Variants in TAF3 observed in about 807,000 individuals in gnomAD.
TAF3 encodes TATA-box binding protein associated factor 3.
Under a neutral mutation model 80.6 loss-of-function variants are expected in TAF3, and 7 were observed. That is an observed-to-expected ratio of 0.09 (90% CI 0.05 to 0.16). The LOEUF (loss-of-function observed/expected upper bound fraction) is 0.16, where lower values mean the gene tolerates loss of function less well. Among genes scored for constraint, TAF3 ranks in the 10% least tolerant of loss-of-function variants. The pLI is 1.00. For synonymous variants in TAF3, 444 were observed against 446.1 expected, an observed-to-expected ratio of 1.00 and a Z score of 0.06; for missense variants, 921 against 1,140.2, an observed-to-expected ratio of 0.81 and a Z score of 2.77.
At position 7,964,198 on chromosome 10, in the gene TAF3, C is replaced by G; in HGVS notation, c.688C>G (p.Pro230Ala). ...NTQKIPPMLS[P>A]VHVQDSTDLA... ...TCAAAAGATCCCACCAATGCTTTCT[C>G]CAGTCCATGTACAGGACAGTACAGA... Residue 230 changes from proline to alanine, a missense_variant, in exon 3 of 7, where the codon CCA becomes GCA. Transcript: ENST00000344293. The surrounding 1 kb of genome is among the most constrained non-coding windows in gnomAD (Gnocchi z 4.1). The G allele has an allele frequency of 1.2e-6, 2 of 1,614,172 alleles. No homozygotes were observed. The highest frequency in any genetic ancestry group is 1.7e-6 in the Non-Finnish European group (2 of 1,180,034).
At chr10:7,938,406 C>T (rs762319077) in intron 2 of TAF3, among the ~76,000 whole-genome samples, 43 of 151,978 alleles carry the variant, frequency 2.8e-4, no homozygotes, top group Non-Finnish European at 5.6e-4. Context: ...CTAAGGTAGC[C>T]AATGGGAATA....
intron 2 of TAF3, among the ~76,000 whole-genome samples, chr10:7,865,235 A>G (rs940468218): frequency 4.9e-4 from 74 of 152,090 alleles, no homozygotes; most frequent in African/African-American, 1.8e-3. Context: ...TGGGAGGCCG[A>G]GGCGGGCGGA....
chr10:7,964,278 A>G lies in TAF3; in HGVS notation c.768A>G (p.Gln256=), dbSNP rs1163398613. Residue 256 remains glutamine, a synonymous_variant, in exon 3 of 7, where the codon CAA becomes CAG. Coordinates refer to ENST00000344293, the MANE Select transcript of TAF3 (RefSeq NM_031923.4). This position sits in a 1 kb window ranked among gnomAD's most constrained non-coding sequence, Gnocchi z 4.1. ...TGTTGGCTCCAGTTGCAAAATCACA[A>G]ATGCCAACTGCAAAACCATTAGAAA... The part of the protein sequence containing the change: ...PPMLAPVAKS[Q]MPTAKPLETK... The G allele has an allele frequency of 6.2e-7, 1 of 1,614,186 alleles. No homozygotes were observed. The highest frequency in any genetic ancestry group is 2.2e-5 in the East Asian group (1 of 44,886).
intron 2 of TAF3, among the ~76,000 whole-genome samples, chr10:7,837,512 G>A (rs1486221687): frequency 2.6e-5 from 4 of 152,100 alleles, no homozygotes; most frequent in Non-Finnish European, 5.9e-5. Context: ...GCGTGGTGGT[G>A]CGTGCCTGTA....
chr10:7,919,313 T>G (rs1837741366), intron 2 of TAF3, among the ~76,000 whole-genome samples: 1 of 152,056 alleles, frequency 6.6e-6, no homozygotes, highest in South Asian at 2.1e-4. Context: ...CTTAAGCAGT[T>G]TGTGATGGTG....
chr10:7,960,779 A>G (rs1588567013), intron 2 of TAF3, among the ~76,000 whole-genome samples: 1 of 152,066 alleles, frequency 6.6e-6, no homozygotes, highest in Admixed American at 6.5e-5. Flanking sequence ...GGATTTTTGT[A>G]TTTTAGAATA....
chr10:7,828,733 T>C (rs1205719068), intron 2 of TAF3, among the ~76,000 whole-genome samples: 4 of 151,810 alleles, frequency 2.6e-5, no homozygotes, highest in Non-Finnish European at 5.9e-5. Flanking sequence ...TCAAAATATT[T>C]GCATAAGAAA....
At chr10:7,820,907 C>G (rs969562168) in intron 1 of TAF3, among the ~76,000 whole-genome samples, 5 of 152,208 alleles carry the variant, frequency 3.3e-5, no homozygotes, top group Admixed American at 6.5e-5. Flanking sequence ...CTCTGGCCTC[C>G]GCTGCAGTGG....
intron 2 of TAF3, among the ~76,000 whole-genome samples, chr10:7,949,338 G>A (rs1838059395): frequency 6.6e-6 from 1 of 152,222 alleles, no homozygotes; most frequent in Admixed American, 6.5e-5. Flanking sequence ...CATGTGGCAG[G>A]CAAGTCAGCC....
chr10:7,865,743 A>T (rs1482051517), intron 2 of TAF3, among the ~76,000 whole-genome samples: 2 of 152,230 alleles, frequency 1.3e-5, no homozygotes, highest in Non-Finnish European at 2.9e-5. Context: ...GCTTCTCTTG[A>T]ATGGACAGTA....
intron 2 of TAF3, among the ~76,000 whole-genome samples, chr10:7,963,252 A>AT (rs1456533364): frequency 1.7e-4 from 26 of 152,280 alleles, no homozygotes; most frequent in African/African-American, 3.4e-4. Flanking sequence ...CCATCTCTTG[A>AT]TTTTTTAGAG....
chr10:7,949,003 G>T (rs1000082125), intron 2 of TAF3, among the ~76,000 whole-genome samples: 1 of 152,252 alleles, frequency 6.6e-6, no homozygotes, highest in African/African-American at 2.4e-5. Flanking sequence ...CGGGTGGGGA[G>T]CAAGAGCTGT....
intron 2 of TAF3, among the ~76,000 whole-genome samples, chr10:7,866,699 A>G (rs1316700461): frequency 6.6e-6 from 1 of 152,192 alleles, no homozygotes; most frequent in Non-Finnish European, 1.5e-5. Flanking sequence ...GTTATTAGAA[A>G]GGAGAGCTAT....
At position 7,964,991 on chromosome 10, in the gene TAF3, C is replaced by G; in HGVS notation, c.1481C>G (p.Ser494Cys). 6.2e-7 allele frequency: 1 copy of G among 1,614,076 alleles called. No individual in the cohort carries two copies. The highest frequency in any genetic ancestry group is 8.5e-7 in the Non-Finnish European group (1 of 1,180,030). ...CCCCCCAACTTTCCTTATATCTCTTCTCCGTCAGTGTCTCCTCCCACTCCC... is the reference window on the plus strand; with the variant it reads ...CCCCCCAACTTTCCTTATATCTCTTGTCCGTCAGTGTCTCCTCCCACTCCC... ...NMPPNFPYIS[S>C]PSVSPPTPEP... Residue 494 changes from serine (S) to cysteine (C), a missense_variant, in exon 3 of 7, where the codon TCT (serine) becomes TGT (cysteine). By Grantham distance (112) the Ser-to-Cys change is moderately radical (BLOSUM62 -1). Around this residue, in one of 6 missense-constraint regions of TAF3, gnomAD observed 743 missense variants for 821.0 expected, o/e 0.90. Coordinates refer to ENST00000344293, the MANE Select transcript of TAF3 (RefSeq NM_031923.4). This position sits in a 1 kb window ranked among gnomAD's most constrained non-coding sequence, Gnocchi z 4.1.
chr10:7,863,608 TAAAAAA>T (rs1230925353), intron 2 of TAF3, among the ~76,000 whole-genome samples: 7 of 20,444 alleles, frequency 3.4e-4, no homozygotes, highest in East Asian at 2.3e-3. Context: ...AAACTCTGTC[TAAAAAA>T]AAAAAAAAAA....
intron 2 of TAF3, among the ~76,000 whole-genome samples, chr10:7,928,992 G>A (rs79904846): frequency 0.011 from 1,669 of 152,300 alleles, 20 homozygotes; most frequent in Middle Eastern, 0.031. Context: ...GAGTCTTGAA[G>A]AGAATATTTA....
intron 2 of TAF3, among the ~76,000 whole-genome samples, chr10:7,904,963 C>T (rs1837593590): frequency 6.6e-6 from 1 of 152,134 alleles, no homozygotes; most frequent in African/African-American, 2.4e-5. Flanking sequence ...CATCCTTTCC[C>T]TCACACTGCC....
intron 2 of TAF3, among the ~76,000 whole-genome samples, chr10:7,841,359 G>A (rs2131115224): frequency 6.6e-6 from 1 of 152,254 alleles, no homozygotes; most frequent in Middle Eastern, 3.4e-3. Flanking sequence ...GTCCTTCCCT[G>A]CTTTCCTAGA....
Position 7,908,550 on chromosome 10 carries a change from C to T in TAF3, c.410-55370C>T, listed in dbSNP as rs1307718778. On this transcript the variant is annotated intron_variant, in intron 2 of 6. Coordinates refer to ENST00000344293, the MANE Select transcript of TAF3 (RefSeq NM_031923.4). ...CATTACCCAACACCATCATGGTCACCGTCCCCACCCTCATACCCACCTCCT... is the reference window on the plus strand; with the variant it reads ...CATTACCCAACACCATCATGGTCACTGTCCCCACCCTCATACCCACCTCCT... 4.6e-5 allele frequency among the ~76,000 whole-genome samples: 7 copies of T among 152,098 alleles called. No individual in the cohort carries two copies. In the South Asian group the frequency reaches 6.2e-4, roughly 13 times the overall value.
Sources: allele counts gnomAD v4.1 joint callset (sites outside exome capture counted in the v4.1 genomes callset), GRCh38; gene constraint gnomAD v4.1.1; regional missense constraint gnomAD v4.1.1; non-coding constraint Gnocchi (gnomAD v3.1); transcripts MANE v1.5; gene names NCBI Gene and HGNC (gene_info 2026-07-23, HGNC 2026-07-21).